TMEM39A: variants seen among roughly 807,000 people sequenced by gnomAD.
TMEM39A encodes transmembrane protein 39A.
Under a neutral mutation model 51.9 loss-of-function variants are expected in TMEM39A, and 19 were observed. The ratio of observed to expected loss-of-function variants is 0.37; its 90% CI spans 0.26 to 0.54. The LOEUF is 0.54. Ranked by LOEUF, TMEM39A falls within the 20% of genes least tolerant of loss-of-function variation. TMEM39A has a pLI of 0.88. For synonymous variants in TMEM39A, 197 were observed against 220.2 expected, an observed-to-expected ratio of 0.89 and a Z score of 0.93; for missense variants, 433 against 590.5, an observed-to-expected ratio of 0.73 and a Z score of 2.76.
intron 3 of TMEM39A, 33 bp downstream of exon 3, chr3:119,457,985 A>C: frequency 2.6e-6 from 4 of 1,525,160 alleles, no homozygotes; most frequent in Non-Finnish European, 3.6e-6. Context: ...TGGGTAAGTA[A>C]CATGAAGAAC....
intron 4 of TMEM39A, among the ~76,000 whole-genome samples, chr3:119,450,826 CAAAAAAAAAA>C (rs60326718): frequency 1.8e-5 from 1 of 55,900 alleles, no homozygotes; most frequent in Non-Finnish European, 3.0e-5. Flanking sequence ...GACTCCATCT[CAAAAAAAAAA>C]AAAAAAAAAA....
chr3:119,444,943 G>C (rs1324661248), intron 5 of TMEM39A, among the ~76,000 whole-genome samples: 1 of 152,166 alleles, frequency 6.6e-6, no homozygotes, highest in East Asian at 1.9e-4. Context: ...AGCGGGGCAT[G>C]GTGGTGTGCA....
chr3:119,454,742 T>C (rs1026391440), intron 3 of TMEM39A, among the ~76,000 whole-genome samples: 14 of 151,942 alleles, frequency 9.2e-5, no homozygotes, highest in South Asian at 8.3e-4. Context: ...TGAGCAGAGG[T>C]CATACCACTG....
intron 5 of TMEM39A, among the ~76,000 whole-genome samples, chr3:119,441,874 T>A (rs1279260144): frequency 2.0e-5 from 3 of 152,230 alleles, no homozygotes; most frequent in African/African-American, 7.2e-5. Context: ...TGGAAGCCAA[T>A]GCTTATTTAC....
chr3:119,449,642 A>T (rs2081173580), intron 4 of TMEM39A, among the ~76,000 whole-genome samples: 1 of 150,950 alleles, frequency 6.6e-6, no homozygotes, highest in South Asian at 2.2e-4. Context: ...CCCCAAAAAA[A>T]GTGGTCTTCA....
chr3:119,437,536 A>AG (rs1553770374), intron 6 of TMEM39A, among the ~76,000 whole-genome samples: 3 of 151,576 alleles, frequency 2.0e-5, no homozygotes, highest in African/African-American at 7.3e-5. Context: ...AAAAAAAAAA[A>AG]AAAAGAAAAA....
At chr3:119,443,208 G>A (rs2081079507) in intron 5 of TMEM39A, among the ~76,000 whole-genome samples, 1 of 151,972 alleles carries the variant, frequency 6.6e-6, no homozygotes, top group African/African-American at 2.4e-5. Context: ...AAGATGCTGA[G>A]AACACTGTTG....
chr3:119,447,376 C>T (rs1457043674), intron 4 of TMEM39A, among the ~76,000 whole-genome samples: 1 of 152,148 alleles, frequency 6.6e-6, no homozygotes, highest in Non-Finnish European at 1.5e-5. Context: ...TTCCTTCTTG[C>T]ACCCCGAGAG....
In TMEM39A at chr3:119,438,061, ACTATCTTG is replaced by A. The variant is rs2080998627; in HGVS notation, c.610_617del (p.Gln204Ter). Reference sequence around the variant, plus strand: ...AGTCTGTGAGAAGAAGATGTGCTCTACTATCTTGATGAAAACAGCAAAGAGGAACATAA... The same window carrying A: ...AGTCTGTGAGAAGAAGATGTGCTCTAATGAAAACAGCAAAGAGGAACATAA... On this transcript the variant is annotated frameshift_variant, in exon 6 of 9. Transcript: ENST00000319172. LOFTEE classifies it high-confidence loss of function. 6.3e-7 allele frequency: 1 copy of A among 1,599,466 alleles called. No homozygotes were observed.
chr3:119,455,973 C>A (rs995737702), intron 3 of TMEM39A, among the ~76,000 whole-genome samples: 3 of 152,158 alleles, frequency 2.0e-5, no homozygotes, highest in African/African-American at 7.2e-5. Flanking sequence ...ATAGGTCTTA[C>A]ATTCATTTAT....
At chr3:119,435,676 TAA>T (rs11410721) in intron 7 of TMEM39A, 17,908 of 905,002 alleles carry the variant, frequency 0.02, 6 homozygotes, top group Non-Finnish European at 0.022. Context: ...GATATGTTAT[TAA>T]AAAAAAAAAA....
chr3:119,434,614 A>G, intron 8 of TMEM39A, 148 bp downstream of exon 8: 1 of 1,197,716 alleles, frequency 8.3e-7, no homozygotes, highest in South Asian at 1.6e-5. Context: ...TTTCCAAAGT[A>G]CAGGGACCAC....
chr3:119,438,240 T>C (rs890573274), intron 5 of TMEM39A, 137 bp from the exon 6 acceptor site: 7 of 551,076 alleles, frequency 1.3e-5, no homozygotes, highest in Non-Finnish European at 2.1e-5. Context: ...AAGAGGGACA[T>C]TGCTGATAGT....
chr3:119,451,753 C>T (rs2081201965), intron 4 of TMEM39A, among the ~76,000 whole-genome samples: 1 of 139,002 alleles, frequency 7.2e-6, no homozygotes. Flanking sequence ...TCGCTTGTAC[C>T]CAGGAGACAG....
chr3:119,446,880 T>C (rs2081132691), intron 5 of TMEM39A, 138 bp downstream of exon 5: 1 of 991,012 alleles, frequency 1.0e-6, no homozygotes, highest in East Asian at 2.6e-5. Flanking sequence ...ATGTTCACCA[T>C]GCTCATGGAT....
At position 119,463,585 on chromosome 3, in the gene TMEM39A, C is replaced by T. The variant is rs1188545135; in HGVS notation, c.-324G>A. ...AGAGCCAGAGCCTGATACTTCAGCA[C>T]CCATCCCTAGCCTCCATTACCGCGG... On this transcript the variant is annotated 5_prime_UTR_variant, in exon 1 of 9. The change creates a new upstream start codon in the 5' untranslated region. Transcript: ENST00000319172. The T allele has an allele frequency of 2.5e-6, 1 of 398,806 alleles. No homozygotes were observed. The highest frequency in any genetic ancestry group is 3.6e-5 in the East Asian group (1 of 28,076). 24.7% of individuals were successfully genotyped at this position (398,806 alleles called of 1,614,324 possible).
intron 8 of TMEM39A, among the ~76,000 whole-genome samples, chr3:119,432,851 T>C (rs1048158069): frequency 1.6e-4 from 25 of 152,030 alleles, no homozygotes; most frequent in African/African-American, 5.6e-4. Flanking sequence ...TTTTTCTGGA[T>C]ATTGAGAAGC....
chr3:119,441,607 C>T (rs1029246195), intron 5 of TMEM39A, among the ~76,000 whole-genome samples: 45 of 152,214 alleles, frequency 3.0e-4, no homozygotes, highest in African/African-American at 1.0e-3. Context: ...TGTCCCATAA[C>T]ATAAAAGCAC....
chr3:119,436,767 G>A lies in TMEM39A; in HGVS notation c.1112+24C>T, dbSNP rs1355598594. The A allele has an allele frequency of 1.0e-5, 16 of 1,582,522 alleles. No individual in the cohort carries two copies. The South Asian group carries it at 1.4e-4, about 13-fold the overall frequency. On this transcript the variant is annotated intron_variant, in intron 7 of 8. Coordinates refer to ENST00000319172, the MANE Select transcript of TMEM39A (RefSeq NM_018266.3). ...CAGCAGCATGTAGAAAGTGTTACAT[G>A]GTTTTACCCTCTAGCTTACTCACAT...
Sources: allele counts gnomAD v4.1 joint callset (sites outside exome capture counted in the v4.1 genomes callset), GRCh38; gene constraint gnomAD v4.1.1; transcripts MANE v1.5; gene names NCBI Gene and HGNC (gene_info 2026-07-23, HGNC 2026-07-21).